The following REV3L variants were observed in gnomAD, a reference collection of about 807,000 sequenced individuals.
The protein encoded by REV3L is DNA polymerase zeta catalytic subunit.
Under a neutral mutation model 299.4 loss-of-function variants are expected in REV3L, and 69 were observed. That is an observed-to-expected ratio of 0.23 (90% confidence interval 0.19 to 0.28). REV3L has a LOEUF of 0.28. Among genes scored for constraint, REV3L ranks in the 10% least tolerant of loss-of-function variants. The pLI is 1.00. For synonymous variants in REV3L, 1,238 were observed against 1,271.4 expected (o/e 0.97, Z 0.56); for missense variants, 3,128 against 3,693.8 (o/e 0.85, Z 3.97).
At chr6:111,475,045 G>T (rs1274606548) in intron 1 of REV3L, among the ~76,000 whole-genome samples, 1 of 149,580 alleles carries the variant, frequency 6.7e-6, no homozygotes, top group Non-Finnish European at 1.5e-5. Flanking sequence ...TTATAATAAA[G>T]AATTTTATTC....
chr6:111,338,438 A>T lies in REV3L; in HGVS notation c.7539-2828T>A, dbSNP rs561042802. Among the ~76,000 whole-genome samples, 6 of 148,820 alleles carry T rather than the reference A, an allele frequency of 4.0e-5. No individual in the cohort carries two copies. The South Asian group carries it at 1.3e-3, about 31-fold the overall frequency. ...CAGCAGATTAAGAATTCCTTTAGTA[A>T]GGTAAACATTTGAATATTTCAGGAT... On this transcript the variant is annotated intron_variant, in intron 21 of 31. Transcript: ENST00000368802.
chr6:111,472,748 A>G (rs1350766525), intron 1 of REV3L, among the ~76,000 whole-genome samples: 1 of 152,180 alleles, frequency 6.6e-6, no homozygotes, highest in African/African-American at 2.4e-5. Flanking sequence ...TTAAAAACCC[A>G]CAGAGAGCTG....
At chr6:111,392,271 G>T (rs1782010440) in intron 5 of REV3L, among the ~76,000 whole-genome samples, 1 of 152,116 alleles carries the variant, frequency 6.6e-6, no homozygotes, top group Non-Finnish European at 1.5e-5. Flanking sequence ...TGTTCCTATG[G>T]AGGGGAAGTA....
chr6:111,483,240 G>A (rs1488952483), upstream of REV3L: 13 of 483,194 alleles, frequency 2.7e-5, no homozygotes, highest in Admixed American at 5.2e-4. Flanking sequence ...CTGGGGGGAG[G>A]GGAGAGGGGG....
chr6:111,358,890 G>A lies in REV3L; in HGVS notation c.7004C>T (p.Pro2335Leu). ...FYCISSDTPLPDTEKTELTGV... is the reference protein window; with the variant it reads ...FYCISSDTPLLDTEKTELTGV... The stretch of plus-strand genomic sequence containing the variant: ...TGTGAGTTCTGTTTTTTCTGTATCT[G>A]GCAGTGGAGTGTCAGATGAGATGCA... Residue 2335 changes from proline to leucine, a missense_variant, in exon 17 of 32, where the codon CCA becomes CTA. Coordinates refer to ENST00000368802, the MANE Select transcript of REV3L (RefSeq NM_001372078.1). The A allele has an allele frequency of 6.2e-7, 1 of 1,613,954 alleles. No homozygotes were observed.
intron 1 of REV3L, among the ~76,000 whole-genome samples, chr6:111,465,745 C>CAAAAAAAAA (rs376561912): frequency 3.8e-4 from 29 of 76,816 alleles, no homozygotes; most frequent in African/African-American, 1.0e-3. Flanking sequence ...AAACAAAAAC[C>CAAAAAAAAA]AAAAAAAAAA....
intron 1 of REV3L, among the ~76,000 whole-genome samples, chr6:111,419,837 G>A (rs1463704144): frequency 6.6e-6 from 1 of 151,938 alleles, no homozygotes; most frequent in Non-Finnish European, 1.5e-5. Context: ...TCTACTAAAT[G>A]ATTTTGGATT....
chr6:111,304,636 A>C (rs1396106094), intron 31 of REV3L, among the ~76,000 whole-genome samples: 7 of 147,704 alleles, frequency 4.7e-5, no homozygotes, highest in Non-Finnish European at 1.5e-5. Flanking sequence ...TTTTCGATCC[A>C]AGGGTATACA....
At chr6:111,346,361 AAG>A (rs1777022186) in intron 20 of REV3L, among the ~76,000 whole-genome samples, 1 of 152,208 alleles carries the variant, frequency 6.6e-6, no homozygotes, top group South Asian at 2.1e-4. Flanking sequence ...ATTACTATTT[AAG>A]AGGTATTTTG....
intron 1 of REV3L, chr6:111,430,588 A>G: frequency 6.4e-7 from 1 of 1,554,950 alleles, no homozygotes; most frequent in Non-Finnish European, 8.8e-7. Context: ...AAAACTCAAA[A>G]GCAGGAAGAC....
intron 10 of REV3L, 138 bp downstream of exon 10, chr6:111,381,187 C>T: frequency 1.2e-6 from 1 of 808,570 alleles, no homozygotes; most frequent in African/African-American, 1.8e-5. Context: ...TGCAAGGTTT[C>T]ATTTTCATAT....
chr6:111,469,060 G>A (rs1418493740), intron 1 of REV3L, among the ~76,000 whole-genome samples: 2 of 152,176 alleles, frequency 1.3e-5, no homozygotes, highest in Non-Finnish European at 1.5e-5. Context: ...TACTCAGGAG[G>A]CTGAGGTGGG....
rs774474693 is a variant in REV3L at position 111,422,680 on chromosome 6, GTATA to G, written c.140-6212_140-6209del. The stretch of plus-strand genomic sequence containing the variant: ...TATATATACATATATATATATATAC[GTATA>G]TATATATATATATATATTTCCCCCC... On this transcript the variant is annotated intron_variant, in intron 1 of 31. Coordinates refer to ENST00000368802, the MANE Select transcript of REV3L (RefSeq NM_001372078.1). 1.5e-3 allele frequency among the ~76,000 whole-genome samples: 17 copies of G among 11,232 alleles called. 2 individuals are homozygous for G. Among genetic ancestry groups the G allele is most frequent in the South Asian group, 7.0e-3 (2 of 286 alleles). The allele number at this position is 11,232 out of a possible 152,430, so 7.4% of individuals were successfully genotyped here. A position where few individuals can be genotyped will look rare whatever the true frequency, so the allele number is the denominator to read the frequency against.
At chr6:111,399,318 G>A (rs1020322894) in intron 4 of REV3L, among the ~76,000 whole-genome samples, 1 of 152,032 alleles carries the variant, frequency 6.6e-6, no homozygotes, top group Non-Finnish European at 1.5e-5. Flanking sequence ...AAAGTTCCAA[G>A]TTCCAAGGGT....
chr6:111,318,674 G>A (rs1477744784), intron 26 of REV3L, among the ~76,000 whole-genome samples: 3 of 151,558 alleles, frequency 2.0e-5, no homozygotes, highest in African/African-American at 7.3e-5. Context: ...CAAGTCAAGC[G>A]ATTCTCCTGC....
intron 1 of REV3L, among the ~76,000 whole-genome samples, chr6:111,452,544 CG>C (rs1046639664): frequency 3.2e-4 from 48 of 152,002 alleles, no homozygotes; most frequent in Non-Finnish European, 1.2e-4. Flanking sequence ...CACTTAACTA[CG>C]TAACACATGG....
At chr6:111,475,973 C>G (rs1792896180) in intron 1 of REV3L, among the ~76,000 whole-genome samples, 1 of 152,158 alleles carries the variant, frequency 6.6e-6, no homozygotes, top group Non-Finnish European at 1.5e-5. Context: ...CTTCTTTTCC[C>G]TACTCATAAA....
intron 18 of REV3L, among the ~76,000 whole-genome samples, chr6:111,354,950 T>A (rs768815010): frequency 6.6e-5 from 10 of 152,132 alleles, no homozygotes; most frequent in Non-Finnish European, 1.5e-4. Context: ...AGGAATCATC[T>A]TGAAAAAGAA....
At chr6:111,393,005 A>G in intron 4 of REV3L, 33 bp from the exon 5 acceptor site, 1 of 1,428,750 alleles carries the variant, frequency 7.0e-7, no homozygotes, top group Non-Finnish European at 9.8e-7. Flanking sequence ...AATAAATTCT[A>G]CTTTCAATTT....
Sources: allele counts gnomAD v4.1 joint callset (sites outside exome capture counted in the v4.1 genomes callset), GRCh38; gene constraint gnomAD v4.1.1; transcripts MANE v1.5; gene names NCBI Gene and HGNC (gene_info 2026-07-23, HGNC 2026-07-21).